The following LMX1B variants were observed in gnomAD, a reference collection of about 807,000 sequenced individuals.
LMX1B encodes LIM homeobox transcription factor 1-beta.
LMX1B carries 12 observed loss-of-function variants against 51.4 expected under a neutral mutation model. The ratio of observed to expected loss-of-function variants is 0.23; its 90% CI spans 0.15 to 0.38. The LOEUF is 0.38. Among genes scored for constraint, LMX1B ranks in the 10% least tolerant of loss-of-function variants. The pLI is 1.00. For synonymous variants in LMX1B, 237 were observed against 235.4 expected, an observed-to-expected ratio of 1.01 and a Z score of -0.06; for missense variants, 445 against 571.1, an observed-to-expected ratio of 0.78 and a Z score of 2.25.
intron 2 of LMX1B, among the ~76,000 whole-genome samples, chr9:126,683,913 A>G (rs1296063618): frequency 3.9e-5 from 6 of 152,114 alleles, no homozygotes; most frequent in African/African-American, 1.4e-4. Flanking sequence ...ACCTTTTCCA[A>G]GAAGTCCCCA....
intron 2 of LMX1B, among the ~76,000 whole-genome samples, chr9:126,686,341 A>T (rs2029883039): frequency 6.6e-6 from 1 of 152,170 alleles, no homozygotes; most frequent in South Asian, 2.1e-4. Flanking sequence ...CTCCTGAAAA[A>T]ATTGGCTTTC....
At chr9:126,654,619 T>C (rs919545207) in intron 2 of LMX1B, among the ~76,000 whole-genome samples, 3 of 152,190 alleles carry the variant, frequency 2.0e-5, no homozygotes, top group Admixed American at 2.0e-4. Flanking sequence ...CATCCCAGAA[T>C]GGAGCCTTCC....
At chr9:126,629,124 G>A (rs955850374) in intron 2 of LMX1B, among the ~76,000 whole-genome samples, 1 of 152,180 alleles carries the variant, frequency 6.6e-6, no homozygotes, top group Non-Finnish European at 1.5e-5. Context: ...CAGGCTGGGT[G>A]CTTTTTTTCT....
intron 2 of LMX1B, among the ~76,000 whole-genome samples, chr9:126,675,181 C>G (rs1397117709): frequency 1.3e-5 from 2 of 152,046 alleles, no homozygotes; most frequent in African/African-American, 2.4e-5. Context: ...CAAAACCCCC[C>G]CAAAATACAC....
intron 2 of LMX1B, among the ~76,000 whole-genome samples, chr9:126,675,040 C>T (rs926060720): frequency 2.0e-5 from 3 of 152,104 alleles, no homozygotes; most frequent in Non-Finnish European, 4.4e-5. Context: ...GCTGTAAAAT[C>T]AGGTGCTGTT....
chr9:126,630,478 A>G (rs1835613579), intron 2 of LMX1B, among the ~76,000 whole-genome samples: 1 of 152,170 alleles, frequency 6.6e-6, no homozygotes, highest in Non-Finnish European at 1.5e-5. Flanking sequence ...GGTGCCAAAC[A>G]GGCATGGCGT....
At chr9:126,660,331 G>T (rs1426266217) in intron 2 of LMX1B, among the ~76,000 whole-genome samples, 1 of 151,718 alleles carries the variant, frequency 6.6e-6, no homozygotes. Context: ...GTGTGTCTAC[G>T]CTGGCCTTAT....
chr9:126,674,131 A>G (rs1836511726), intron 2 of LMX1B, among the ~76,000 whole-genome samples: 1 of 152,098 alleles, frequency 6.6e-6, no homozygotes, highest in South Asian at 2.1e-4. Flanking sequence ...AGTCAGGGAC[A>G]GAGTGAGGAG....
chr9:126,628,938 G>A (rs1428059935), intron 2 of LMX1B, among the ~76,000 whole-genome samples: 3 of 151,062 alleles, frequency 2.0e-5, no homozygotes, highest in East Asian at 1.9e-4. Context: ...TTTCTCCATC[G>A]TGTTTTTATT....
chr9:126,661,433 A>G (rs1231070658), intron 2 of LMX1B, among the ~76,000 whole-genome samples: 2 of 152,144 alleles, frequency 1.3e-5, no homozygotes, highest in African/African-American at 4.8e-5. Context: ...TGCTCTGGGT[A>G]TGGTGGGTGG....
rs1216565586 is a variant in LMX1B, at chr9:126,618,492, G to C, written c.326+2923G>C. ...GGCATTTTCACTCTTAACTCCAAAAGTCTCCTTTTTCCCCATGTGTGAGTT... is the reference window on the plus strand; with the variant it reads ...GGCATTTTCACTCTTAACTCCAAAACTCTCCTTTTTCCCCATGTGTGAGTT... On this transcript the variant is annotated intron_variant, in intron 2 of 7. Transcript: ENST00000373474. This position sits in a 1 kb window ranked among gnomAD's most constrained non-coding sequence, Gnocchi z 4.5. 6.6e-6 allele frequency among the ~76,000 whole-genome samples: 1 copy of C among 152,150 alleles called. No homozygotes were observed. The highest frequency in any genetic ancestry group is 2.4e-5 in the African/African-American group (1 of 41,442).
At chr9:126,619,585 C>T (rs1279253416) in intron 2 of LMX1B, among the ~76,000 whole-genome samples, 2 of 152,212 alleles carry the variant, frequency 1.3e-5, no homozygotes, top group Non-Finnish European at 2.9e-5. Flanking sequence ...GGGGCTGAGG[C>T]CCAAAGGGCT....
rs751891746 is a variant in LMX1B, at chr9:126,693,633, C to T, written c.819+32C>T. Reference sequence around the variant, plus strand: ...GGCCACCCCCCATCCCCACTGGCCCCGGGTAGGGTGGGACTAGAGGGGGCA... The same window carrying T: ...GGCCACCCCCCATCCCCACTGGCCCTGGGTAGGGTGGGACTAGAGGGGGCA... On this transcript the variant is annotated intron_variant, in intron 5 of 7. Transcript: ENST00000373474. The T allele has an allele frequency of 1.4e-5, 23 of 1,612,766 alleles. No homozygotes were observed. In the Middle Eastern group the frequency reaches 4.9e-4, roughly 35 times the overall value.
At position 126,699,813 on chromosome 9, in the gene LMX1B, C is replaced by G. The variant is rs1233380859; in HGVS notation, c.*3362C>G. The G allele has an allele frequency of 6.6e-6, 1 of 152,300 alleles. No homozygotes were observed. Among genetic ancestry groups the G allele is most frequent in the African/African-American group, 2.4e-5 (1 of 41,448 alleles). 9.4% of individuals were successfully genotyped at this position (152,300 alleles called of 1,614,324 possible). On this transcript the variant is annotated 3_prime_UTR_variant, in exon 8 of 8. Transcript: ENST00000373474. ...GCCTGTGGGGCTGGGCAACCTTCTC[C>G]CACTTTATGGGAGGAGCTGCAGCCT...
intron 2 of LMX1B, among the ~76,000 whole-genome samples, chr9:126,640,154 G>GGGA (rs1192104421): frequency 6.6e-6 from 1 of 152,242 alleles, no homozygotes; most frequent in African/African-American, 2.4e-5. Context: ...CCGTTGAAGG[G>GGGA]GGAGCCCTTT....
chr9:126,635,162 C>T (rs1158235051), intron 2 of LMX1B, among the ~76,000 whole-genome samples: 1 of 152,210 alleles, frequency 6.6e-6, no homozygotes, highest in African/African-American at 2.4e-5. Context: ...CCCAGGGCCA[C>T]ACGGCTGGGG....
Position 126,699,795 on chromosome 9 carries a change from G to A in LMX1B, c.*3344G>A, listed in dbSNP as rs2030478708. The A allele has an allele frequency of 6.6e-6, 1 of 152,270 alleles. No homozygotes were observed. Among genetic ancestry groups the A allele is most frequent in the African/African-American group, 2.4e-5 (1 of 41,454 alleles). 9.4% of individuals were successfully genotyped at this position (152,270 alleles called of 1,614,324 possible). On this transcript the variant is annotated 3_prime_UTR_variant, in exon 8 of 8. Coordinates refer to ENST00000373474, the MANE Select transcript of LMX1B (RefSeq NM_001174147.2). ...CAGGGCCACCCAGCAGAAGCCTGTG[G>A]GGCTGGGCAACCTTCTCCCACTTTA...
intron 2 of LMX1B, among the ~76,000 whole-genome samples, chr9:126,669,146 A>T (rs1170774617): frequency 6.6e-6 from 1 of 152,202 alleles, no homozygotes; most frequent in Admixed American, 6.5e-5. Flanking sequence ...TGTAGCTGGC[A>T]TGGGCAGGAA....
chr9:126,614,091 C>A lies in LMX1B; in HGVS notation c.-359C>A, dbSNP rs1835245323. ...GGCCGCCCCTGCACCCCCACCCCCT[C>A]CCCCGCCTGCCGCCGCCGCCACCGC... On this transcript the variant is annotated 5_prime_UTR_variant, in exon 1 of 8. Coordinates refer to ENST00000373474, the MANE Select transcript of LMX1B (RefSeq NM_001174147.2). Among the ~76,000 whole-genome samples, 1 of 141,232 alleles carries A rather than the reference C, an allele frequency of 7.1e-6. No homozygotes were observed. The highest frequency in any genetic ancestry group is 2.5e-5 in the African/African-American group (1 of 39,560). The allele number at this position is 141,232 out of a possible 152,430, so 92.7% of individuals were successfully genotyped here.
Sources: gnomAD v4.1 joint callset for allele counts (sites outside exome capture counted in the v4.1 genomes callset) on GRCh38, gnomAD v4.1.1 for gene constraint, Gnocchi (gnomAD v3.1) non-coding constraint, MANE v1.5 for transcripts, NCBI Gene and HGNC (gene_info 2026-07-23, HGNC 2026-07-21) for gene names.